The following CNOT10 variants were observed in gnomAD, a reference collection of about 807,000 sequenced individuals.
CNOT10 encodes CCR4-NOT transcription complex, subunit 10.
A neutral mutation model predicts 94.6 loss-of-function variants in CNOT10; 30 were observed. The ratio of observed to expected loss-of-function variants is 0.32; its 90% confidence interval spans 0.24 to 0.43. The LOEUF is 0.43. CNOT10 is among the 20% of genes least tolerant of loss of function. The pLI, the probability that CNOT10 is intolerant of heterozygous loss-of-function variation, is 1.00. For missense variants in CNOT10, 759 were observed against 877.2 expected (o/e 0.87, Z 1.70); for synonymous variants, 289 against 301.6 (o/e 0.96, Z 0.43).
chr3:32,759,461 C>T lies in CNOT10; in HGVS notation c.1599C>T (p.Cys533=), dbSNP rs1373179317. 1 of 1,610,968 alleles carries T rather than the reference C, an allele frequency of 6.2e-7. No individual in the cohort carries two copies. Among genetic ancestry groups the T allele is most frequent in the South Asian group, 1.1e-5 (1 of 90,860 alleles). The stretch of plus-strand genomic sequence containing the variant: ...CCCCTTCCCTTTTGTGTTATAGGTG[C>T]TCCATACTTGCTTGCAGTGCCTACG... ...LRKQELENLK[C]SILACSAYVA... The change falls in exon 14 of 19, where the codon TGC becomes TGT. Residue 533 remains cysteine (C), a synonymous_variant. Coordinates refer to ENST00000328834, the MANE Select transcript of CNOT10 (RefSeq NM_015442.3).
chr3:32,702,073 C>A (rs6765045), intron 1 of CNOT10, among the ~76,000 whole-genome samples: 74,118 of 150,522 alleles, frequency 0.49, 19,178 homozygotes, highest in Non-Finnish European at 0.56. Context: ...GCTGGGATTA[C>A]GGGCGTGAGC....
chr3:32,758,425 T>C (rs149225286), intron 13 of CNOT10, among the ~76,000 whole-genome samples: 1 of 152,200 alleles, frequency 6.6e-6, no homozygotes, highest in Non-Finnish European at 1.5e-5. Flanking sequence ...CAGAATACTT[T>C]TGAATTTGCC....
At chr3:32,700,591 T>C (rs1697296203) in intron 1 of CNOT10, among the ~76,000 whole-genome samples, 1 of 152,242 alleles carries the variant, frequency 6.6e-6, no homozygotes, top group Non-Finnish European at 1.5e-5. Context: ...ATATTCTTAC[T>C]AAAGCCTTAC....
At chr3:32,694,193 A>G (rs1696960544) in intron 1 of CNOT10, among the ~76,000 whole-genome samples, 1 of 151,946 alleles carries the variant, frequency 6.6e-6, no homozygotes, top group Non-Finnish European at 1.5e-5. Context: ...TTTCAGAGAA[A>G]CTTCTCCAGT....
rs780407052 is a variant in CNOT10, at chr3:32,725,467, A to G, written c.880A>G (p.Met294Val). ...FMKTGECLRC[M>V]FWNNLGCIHF... ...TTTTTCAGGTGAATGCTTGAGATGC[A>G]TGTTCTGGAATAACCTTGGTTGCAT... Residue 294 changes from methionine (M) to valine (V), a missense_variant, in exon 9 of 19, where the codon ATG (methionine) becomes GTG (valine). Transcript: ENST00000328834. The G allele has an allele frequency of 1.2e-6, 2 of 1,613,146 alleles. No homozygotes were observed. Among genetic ancestry groups the G allele is most frequent in the South Asian group, 1.1e-5 (1 of 90,712 alleles).
chr3:32,755,783 A>G (rs879320200), intron 13 of CNOT10, among the ~76,000 whole-genome samples: 1 of 78,148 alleles, frequency 1.3e-5, no homozygotes, highest in South Asian at 3.7e-4. Flanking sequence ...TTCTTTTTTT[A>G]TCTTCTTTTC....
chr3:32,713,133 A>G (rs1388221260), intron 4 of CNOT10, 94 bp from the exon 5 acceptor site: 3 of 1,006,468 alleles, frequency 3.0e-6, no homozygotes, highest in South Asian at 1.8e-5. Context: ...ATGCTTTGCT[A>G]TTTAAAGCTT....
At chr3:32,767,484 A>G (rs1700694670) in intron 17 of CNOT10, among the ~76,000 whole-genome samples, 2 of 144,276 alleles carry the variant, frequency 1.4e-5, no homozygotes, top group Non-Finnish European at 1.5e-5. Context: ...GCGCCATTGC[A>G]CTACAGCCTG....
chr3:32,772,495 C>T (rs1346641544), intron 18 of CNOT10, among the ~76,000 whole-genome samples: 1 of 152,038 alleles, frequency 6.6e-6, no homozygotes, highest in Non-Finnish European at 1.5e-5. Flanking sequence ...GCACTCCAGC[C>T]TGGGCAATAT....
intron 13 of CNOT10, among the ~76,000 whole-genome samples, chr3:32,758,873 A>C (rs926998342): frequency 6.6e-6 from 1 of 152,168 alleles, no homozygotes; most frequent in Non-Finnish European, 1.5e-5. Flanking sequence ...TTTTTCCTTC[A>C]GTATTCCTTT....
Position 32,754,996 on chromosome 3 carries a change from C to T in CNOT10, c.1596-4462C>T, listed in dbSNP as rs573460059. 1.5e-3 allele frequency among the ~76,000 whole-genome samples: 228 copies of T among 151,660 alleles called. 1 individual carries two copies. The highest frequency in any genetic ancestry group is 5.3e-3 in the African/African-American group (221 of 41,452). On this transcript the variant is annotated intron_variant, in intron 13 of 18. Transcript: ENST00000328834. Reference sequence around the variant, plus strand: ...GCATGGTGGCTCACGACTGTAATCCCAGCACTTTGGGAGTCCAAGGCAGGC... The same window carrying T: ...GCATGGTGGCTCACGACTGTAATCCTAGCACTTTGGGAGTCCAAGGCAGGC...
chr3:32,762,966 AG>A (rs951469646), intron 15 of CNOT10, 103 bp downstream of exon 15: 4 of 1,302,996 alleles, frequency 3.1e-6, no homozygotes, highest in Non-Finnish European at 3.0e-6. Context: ...ATGAGAAGAA[AG>A]TTTTAGGTTG....
intron 10 of CNOT10, chr3:32,730,937 G>A (rs1698914225): frequency 6.6e-6 from 1 of 152,180 alleles, no homozygotes; most frequent in Non-Finnish European, 1.5e-5. Context: ...ATCGGTGCTT[G>A]AAGGTATGGA....
intron 1 of CNOT10, among the ~76,000 whole-genome samples, chr3:32,697,159 A>G (rs1697112683): frequency 1.3e-5 from 2 of 152,032 alleles, no homozygotes; most frequent in South Asian, 2.1e-4. Context: ...CATGTTGGCC[A>G]GGCTGGTCTG....
chr3:32,689,187 G>A (rs558450739), intron 1 of CNOT10, among the ~76,000 whole-genome samples: 3 of 151,800 alleles, frequency 2.0e-5, no homozygotes, highest in East Asian at 3.9e-4. Context: ...ACCCTGTCTT[G>A]ACTAAAAATA....
chr3:32,763,467 A>G (rs1260767880), intron 15 of CNOT10, among the ~76,000 whole-genome samples: 1 of 151,956 alleles, frequency 6.6e-6, no homozygotes, highest in Admixed American at 6.6e-5. Flanking sequence ...CCTGGCCAAC[A>G]TAGTGAAACC....
chr3:32,742,113 G>A (rs1231805878), intron 13 of CNOT10, among the ~76,000 whole-genome samples: 8 of 150,564 alleles, frequency 5.3e-5, no homozygotes, highest in African/African-American at 1.5e-4. Context: ...GTACCACCAC[G>A]TCCAGCTAAT....
chr3:32,685,401 C>T lies in CNOT10; in HGVS notation c.-60C>T, dbSNP rs7620163. 1 of 1,546,540 alleles carries T rather than the reference C, an allele frequency of 6.5e-7. No homozygotes were observed. The stretch of plus-strand genomic sequence containing the variant: ...TCGGAGGTCCAGGACAGCGGCCAGC[C>T]CGGCGGCGGGAGTCAGGGCCACGCC... On this transcript the variant is annotated 5_prime_UTR_variant, in exon 1 of 19. Coordinates refer to ENST00000328834, the MANE Select transcript of CNOT10 (RefSeq NM_015442.3).
intron 9 of CNOT10, among the ~76,000 whole-genome samples, chr3:32,725,927 AGTTTT>A (rs33937831): frequency 0.43 from 65,049 of 149,586 alleles, 15,764 homozygotes; most frequent in Non-Finnish European, 0.53. Context: ...GGTTTATTAT[AGTTTT>A]GTTTTGTTTT....
Sources: allele counts gnomAD v4.1 joint callset (sites outside exome capture counted in the v4.1 genomes callset), GRCh38; gene constraint gnomAD v4.1.1; transcripts MANE v1.5; gene names NCBI Gene and HGNC (gene_info 2026-07-23, HGNC 2026-07-21).